Variants in ADAMTSL1 observed in about 807,000 individuals in gnomAD.
The protein encoded by ADAMTSL1 is ADAMTS-like protein 1.
A neutral mutation model predicts 201.8 loss-of-function variants in ADAMTSL1; 126 were observed. That is an observed-to-expected ratio of 0.62 (90% CI 0.54 to 0.72). ADAMTSL1 has a LOEUF of 0.72. Among genes scored for constraint, ADAMTSL1 ranks in the 30% least tolerant of loss-of-function variants. The pLI is 0.00. For synonymous variants in ADAMTSL1, 1,121 were observed against 903.4 expected (o/e 1.24, Z -4.32); for missense variants, 2,679 against 2,277.8 (o/e 1.18, Z -3.59).
intron 23 of ADAMTSL1, among the ~76,000 whole-genome samples, chr9:18,837,523 C>T (rs990382949): frequency 3.3e-5 from 5 of 152,216 alleles, no homozygotes; most frequent in South Asian, 2.1e-4. Flanking sequence ...GAAACAGATA[C>T]TATTCCCTAC....
At chr9:18,646,708 A>G (rs1044141291) in intron 7 of ADAMTSL1, among the ~76,000 whole-genome samples, 4 of 151,948 alleles carry the variant, frequency 2.6e-5, no homozygotes, top group African/African-American at 4.8e-5. Context: ...ATTTGCATAT[A>G]TTGAACCAGC....
At chr9:18,758,315 G>A (rs758377612) in intron 16 of ADAMTSL1, among the ~76,000 whole-genome samples, 2 of 152,172 alleles carry the variant, frequency 1.3e-5, no homozygotes, top group African/African-American at 2.4e-5. Context: ...CAGAACACTC[G>A]GTATTTGTTG....
chr9:18,909,159 A>G lies in ADAMTSL1; in HGVS notation c.*611A>G, dbSNP rs1399462882. The stretch of plus-strand genomic sequence containing the variant: ...CCAGTAGGGAGAGGTAAAAAAGCAA[A>G]CAAAGCAGGCTCTAAGGCACACAAC... On this transcript the variant is annotated 3_prime_UTR_variant, in exon 29 of 29. Coordinates refer to ENST00000380548, the MANE Select transcript of ADAMTSL1 (RefSeq NM_001040272.6). 1.3e-5 allele frequency: 2 copies of G among 152,672 alleles called. No homozygotes were observed. The highest frequency in any genetic ancestry group is 4.8e-5 in the African/African-American group (2 of 41,442). The allele number at this position is 152,672 out of a possible 1,614,324, so 9.5% of individuals were successfully genotyped here.
Position 18,176,628 on chromosome 9 carries a change from T to C in ADAMTSL1, c.207+12647T>C, listed in dbSNP as rs981439446. Among the ~76,000 whole-genome samples the C allele has an allele frequency of 2.6e-5, 4 of 152,284 alleles. No homozygotes were observed. In the South Asian group the frequency reaches 6.2e-4, roughly 24 times the overall value. On this transcript the variant is annotated intron_variant, in intron 2 of 29. Coordinates refer to the ADAMTSL1 transcript ENST00000680146. The stretch of plus-strand genomic sequence containing the variant: ...TCTGTTACTTAAGTTGTTAAAATGA[T>C]GCAATTTAAAGAATACAGGAATTCA...
intron 2 of ADAMTSL1, among the ~76,000 whole-genome samples, chr9:18,343,214 G>T (rs1288151472): frequency 1.3e-5 from 2 of 151,988 alleles, no homozygotes; most frequent in Non-Finnish European, 2.9e-5. Flanking sequence ...GGTTAGTTTT[G>T]TAGGTCTTAA....
intron 23 of ADAMTSL1, among the ~76,000 whole-genome samples, chr9:18,854,247 C>A (rs1245901500): frequency 1.3e-5 from 2 of 152,144 alleles, no homozygotes. Flanking sequence ...CGCACACACA[C>A]ACACACCCCT....
At chr9:18,262,403 T>A (rs1432644213) in intron 2 of ADAMTSL1, among the ~76,000 whole-genome samples, 2 of 152,210 alleles carry the variant, frequency 1.3e-5, no homozygotes, top group Non-Finnish European at 2.9e-5. Flanking sequence ...AAATCCAGAT[T>A]TTTACATAAA....
intron 2 of ADAMTSL1, among the ~76,000 whole-genome samples, chr9:18,429,635 A>G (rs1163451441): frequency 6.6e-6 from 1 of 152,144 alleles, no homozygotes; most frequent in Admixed American, 6.5e-5. Context: ...AATTTTATTC[A>G]TTAGGCCTAA....
intron 4 of ADAMTSL1, among the ~76,000 whole-genome samples, chr9:18,620,015 ATTT>A (rs35177614): frequency 2.3e-3 from 233 of 101,240 alleles, no homozygotes; most frequent in Non-Finnish European, 1.9e-3. Context: ...CAGTTTTCTG[ATTT>A]TTTTTTTTTT....
At chr9:18,860,266 T>C (rs1827126876) in intron 23 of ADAMTSL1, among the ~76,000 whole-genome samples, 1 of 152,210 alleles carries the variant, frequency 6.6e-6, no homozygotes, top group Non-Finnish European at 1.5e-5. Flanking sequence ...GTTAGTGGTT[T>C]TACTAGGCCA....
intron 1 of ADAMTSL1, among the ~76,000 whole-genome samples, chr9:18,070,327 A>G (rs1822907546): frequency 6.6e-6 from 1 of 152,208 alleles, no homozygotes; most frequent in Non-Finnish European, 1.5e-5. Context: ...CATAGCTAAG[A>G]GCAGGAGTTG....
At chr9:18,819,270 A>G (rs1412875367) in intron 21 of ADAMTSL1, among the ~76,000 whole-genome samples, 2 of 152,114 alleles carry the variant, frequency 1.3e-5, no homozygotes, top group Non-Finnish European at 2.9e-5. Flanking sequence ...AGCCTGGCCA[A>G]CATGGTGAAA....
intron 13 of ADAMTSL1, among the ~76,000 whole-genome samples, chr9:18,690,350 G>A (rs1022480210): frequency 6.6e-6 from 1 of 151,696 alleles, no homozygotes; most frequent in African/African-American, 2.4e-5. Context: ...TTTTTTAAGT[G>A]GCTAGAAATT....
intron 2 of ADAMTSL1, among the ~76,000 whole-genome samples, chr9:18,322,581 C>T (rs1334265137): frequency 2.6e-5 from 4 of 151,992 alleles, no homozygotes; most frequent in Admixed American, 6.6e-5. Context: ...TGCAGTGAGC[C>T]GAGATTGTGC....
At chr9:18,105,446 C>A (rs10963454) in intron 1 of ADAMTSL1, among the ~76,000 whole-genome samples, 1 of 152,148 alleles carries the variant, frequency 6.6e-6, no homozygotes, top group Admixed American at 6.6e-5. Context: ...TATTGTTTTA[C>A]TTAATATTGC....
chr9:17,977,531 T>C (rs1818503946), intron 1 of ADAMTSL1, among the ~76,000 whole-genome samples: 1 of 152,132 alleles, frequency 6.6e-6, no homozygotes, highest in South Asian at 2.1e-4. Context: ...GTTGGTTCTA[T>C]GTTTCTTGAA....
intron 1 of ADAMTSL1, among the ~76,000 whole-genome samples, chr9:17,908,847 G>T (rs1481195725): frequency 6.6e-6 from 1 of 152,118 alleles, no homozygotes; most frequent in Non-Finnish European, 1.5e-5. Context: ...GTAATGGGAT[G>T]GCTGGGTCAA....
At chr9:18,656,996 T>G (rs1360370684) in intron 7 of ADAMTSL1, among the ~76,000 whole-genome samples, 1 of 152,222 alleles carries the variant, frequency 6.6e-6, no homozygotes, top group Non-Finnish European at 1.5e-5. Context: ...AAATAAATTG[T>G]TTTTAAGTAA....
At chr9:18,491,320 G>T (rs529269831) in intron 1 of ADAMTSL1, among the ~76,000 whole-genome samples, 1 of 152,256 alleles carries the variant, frequency 6.6e-6, no homozygotes, top group East Asian at 1.9e-4. Context: ...CACTGCCTGA[G>T]ACATTAATCT....
Sources: gnomAD v4.1 joint callset for allele counts (sites outside exome capture counted in the v4.1 genomes callset) on GRCh38, gnomAD v4.1.1 for gene constraint, MANE v1.5 for transcripts, NCBI Gene and HGNC (gene_info 2026-07-23, HGNC 2026-07-21) for gene names.